PIP5K1B: variants seen among roughly 807,000 people sequenced by gnomAD.
The protein encoded by PIP5K1B is phosphatidylinositol 4-phosphate 5-kinase type-1 beta.
PIP5K1B carries 42 observed loss-of-function variants against 67.0 expected under a neutral mutation model. That is an observed-to-expected ratio of 0.63 (90% CI 0.49 to 0.81). PIP5K1B has a LOEUF of 0.81. Ranked by LOEUF, PIP5K1B falls within the 30% of genes least tolerant of loss-of-function variation. The pLI, the probability that PIP5K1B is intolerant of heterozygous loss-of-function variation, is 0.00. For missense variants in PIP5K1B, 459 were observed against 646.3 expected, an observed-to-expected ratio of 0.71 and a Z score of 3.14; for synonymous variants, 214 against 231.4, an observed-to-expected ratio of 0.92 and a Z score of 0.68.
At chr9:68,862,124 T>C (rs1429184129) in intron 4 of PIP5K1B, among the ~76,000 whole-genome samples, 2 of 152,116 alleles carry the variant, frequency 1.3e-5, no homozygotes, top group Non-Finnish European at 2.9e-5. Flanking sequence ...GATGCCCCTA[T>C]GAGAAAGTAG....
chr9:68,775,892 T>C (rs1047276067), intron 2 of PIP5K1B, among the ~76,000 whole-genome samples: 1 of 152,180 alleles, frequency 6.6e-6, no homozygotes, highest in Admixed American at 6.5e-5. Flanking sequence ...AAACTGTTTA[T>C]GGTTGTTTGA....
chr9:68,967,584 T>C (rs1402005370), intron 14 of PIP5K1B, among the ~76,000 whole-genome samples: 5 of 152,110 alleles, frequency 3.3e-5, no homozygotes, highest in Non-Finnish European at 5.9e-5. Flanking sequence ...GATTCAACCA[T>C]TCATTGAGTA....
chr9:68,802,743 C>T (rs1355490886), intron 2 of PIP5K1B, among the ~76,000 whole-genome samples: 1 of 152,142 alleles, frequency 6.6e-6, no homozygotes, highest in Non-Finnish European at 1.5e-5. Flanking sequence ...GCAAAGAGAA[C>T]CACGCATTCT....
chr9:68,985,315 G>C (rs1046702401), intron 14 of PIP5K1B, among the ~76,000 whole-genome samples: 2 of 150,886 alleles, frequency 1.3e-5, no homozygotes, highest in East Asian at 2.0e-4. Flanking sequence ...GCAATGGTGC[G>C]ATCTCGGCTC....
intron 2 of PIP5K1B, among the ~76,000 whole-genome samples, chr9:68,806,552 T>A (rs1275820163): frequency 1.3e-5 from 2 of 152,202 alleles, no homozygotes; most frequent in African/African-American, 4.8e-5. Context: ...TTCCTTAATT[T>A]GTCACATTCA....
intron 14 of PIP5K1B, among the ~76,000 whole-genome samples, chr9:68,978,634 A>C (rs1211845354): frequency 6.6e-6 from 1 of 152,276 alleles, no homozygotes; most frequent in Non-Finnish European, 1.5e-5. Flanking sequence ...GTAGGCACTC[A>C]GTATACATTT....
At chr9:68,801,369 T>C (rs1370945069) in intron 2 of PIP5K1B, among the ~76,000 whole-genome samples, 1 of 152,148 alleles carries the variant, frequency 6.6e-6, no homozygotes, top group African/African-American at 2.4e-5. Context: ...GCTAAATACT[T>C]CCTGGATTTC....
At chr9:68,951,813 C>T (rs1326255446) in intron 14 of PIP5K1B, among the ~76,000 whole-genome samples, 1 of 152,082 alleles carries the variant, frequency 6.6e-6, no homozygotes, top group African/African-American at 2.4e-5. Flanking sequence ...AGCCGTAGTC[C>T]ACCTCCCCCT....
intron 15 of PIP5K1B, among the ~76,000 whole-genome samples, chr9:68,997,491 A>G (rs1473202299): frequency 1.3e-5 from 2 of 152,204 alleles, no homozygotes; most frequent in African/African-American, 4.8e-5. Context: ...GTGAGAGCAG[A>G]GTAGGAAGGA....
At chr9:68,945,652 T>G (rs1827768345) in intron 14 of PIP5K1B, among the ~76,000 whole-genome samples, 1 of 152,248 alleles carries the variant, frequency 6.6e-6, no homozygotes, top group Admixed American at 6.5e-5. Flanking sequence ...TCAAGTGATT[T>G]AATTCTCACA....
intron 1 of PIP5K1B, among the ~76,000 whole-genome samples, chr9:68,736,706 T>C (rs1464399541): frequency 6.6e-6 from 1 of 152,218 alleles, no homozygotes; most frequent in African/African-American, 2.4e-5. Flanking sequence ...TCACCTCTGC[T>C]TCAGTCACCA....
intron 4 of PIP5K1B, among the ~76,000 whole-genome samples, chr9:68,862,270 A>G (rs1823127383): frequency 6.6e-6 from 1 of 152,196 alleles, no homozygotes; most frequent in Non-Finnish European, 1.5e-5. Flanking sequence ...GTAAGATATT[A>G]ATCTGGCTCT....
At chr9:68,823,618 G>T (rs949107694) in intron 4 of PIP5K1B, among the ~76,000 whole-genome samples, 4 of 152,136 alleles carry the variant, frequency 2.6e-5, no homozygotes, top group African/African-American at 9.7e-5. Context: ...GTTCAAACAC[G>T]TTACTGGGTA....
chr9:68,913,880 A>T (rs928274449), intron 8 of PIP5K1B, among the ~76,000 whole-genome samples: 1 of 152,092 alleles, frequency 6.6e-6, no homozygotes, highest in African/African-American at 2.4e-5. Flanking sequence ...TTAAAAAAAA[A>T]AATCGGACCC....
intron 4 of PIP5K1B, among the ~76,000 whole-genome samples, chr9:68,850,842 A>G (rs1822448060): frequency 1.3e-5 from 2 of 152,194 alleles, no homozygotes; most frequent in African/African-American, 4.8e-5. Context: ...ATTCTTCCCT[A>G]GTGTGTAAGA....
At chr9:68,839,865 T>C (rs980282027) in intron 4 of PIP5K1B, among the ~76,000 whole-genome samples, 1 of 152,188 alleles carries the variant, frequency 6.6e-6, no homozygotes, top group African/African-American at 2.4e-5. Context: ...GACCATTTTC[T>C]ACCCAGATGG....
At position 68,818,961 on chromosome 9, in the gene PIP5K1B, G is replaced by T. The variant is rs62569348; in HGVS notation, c.-1+416G>T. ...ATGTCTTTCCTCCTTCCTTTTATGT[G>T]TACATGGAAAATACACATGATTATA... is the stretch of plus-strand genomic sequence containing the variant. On this transcript the variant is annotated intron_variant, in intron 3 of 15. Transcript: ENST00000265382. 5.5e-3 allele frequency among the ~76,000 whole-genome samples: 832 copies of T among 152,160 alleles called. 8 individuals carry two copies. Among genetic ancestry groups the T allele is most frequent in the Admixed American group, 9.1e-3 (139 of 15,292 alleles).
intron 8 of PIP5K1B, among the ~76,000 whole-genome samples, chr9:68,914,350 G>A (rs1195315897): frequency 6.6e-6 from 1 of 152,174 alleles, no homozygotes; most frequent in Non-Finnish European, 1.5e-5. Context: ...CTTAGGACCT[G>A]CTTTTGAAGC....
intron 14 of PIP5K1B, chr9:68,941,190 G>A (rs1381781911): frequency 2.3e-6 from 1 of 441,042 alleles, no homozygotes; most frequent in East Asian, 7.0e-5. Flanking sequence ...ATGGTAAACA[G>A]AATAATTGCT....
Sources: gnomAD v4.1 joint callset for allele counts (sites outside exome capture counted in the v4.1 genomes callset) on GRCh38, gnomAD v4.1.1 for gene constraint, MANE v1.5 for transcripts, NCBI Gene and HGNC (gene_info 2026-07-23, HGNC 2026-07-21) for gene names.